Variants in NEURL4 observed in about 807,000 individuals in gnomAD.
The protein encoded by NEURL4 is neuralized E3 ubiquitin protein ligase 4.
NEURL4 carries 45 observed loss-of-function variants against 148.0 expected under a neutral mutation model. The observed-to-expected ratio is 0.30, with a 90% CI of 0.24 to 0.39. NEURL4 has a LOEUF of 0.39. Ranked by LOEUF, NEURL4 falls within the 10% of genes least tolerant of loss-of-function variation. The pLI is 1.00. For synonymous variants in NEURL4, 854 were observed against 869.0 expected (o/e 0.98, Z 0.30); for missense variants, 1,776 against 2,144.0 (o/e 0.83, Z 3.39).
chr17:7,318,979 C>G lies in NEURL4; in HGVS notation c.3684+71G>C. On this transcript the variant is annotated intron_variant, in intron 22 of 28. Transcript: ENST00000399464. This position sits in a 1 kb window ranked among gnomAD's most constrained non-coding sequence, Gnocchi z 4.3. The stretch of plus-strand genomic sequence containing the variant: ...TCCTACCTCCAAGGCTAGGGGCCCA[C>G]TTCTCCCTTCTGGCCAGCCCTTCTC... 6.6e-7 allele frequency: 1 copy of G among 1,506,234 alleles called. No individual in the cohort carries two copies. The highest frequency in any genetic ancestry group is 8.9e-7 in the Non-Finnish European group (1 of 1,120,174). The allele number at this position is 1,506,234 out of a possible 1,614,324, so 93.3% of individuals were successfully genotyped here. A position where few individuals can be genotyped will look rare whatever the true frequency, so the allele number is the denominator to read the frequency against.
chr17:7,326,935 C>T lies in NEURL4; in HGVS notation c.868G>A (p.Val290Met). 2.5e-6 allele frequency: 4 copies of T among 1,613,884 alleles called. No individual in the cohort carries two copies. The highest frequency in any genetic ancestry group is 3.4e-6 in the Non-Finnish European group (4 of 1,180,014). Residue 290 changes from valine to methionine, a missense_variant, in exon 4 of 29, where the codon GTG becomes ATG. By Grantham distance (21) the Val-to-Met change is conservative. Transcript: ENST00000399464. The surrounding 1 kb of genome is among the most constrained non-coding windows in gnomAD (Gnocchi z 6.0). ...LSAYNGGLLN[V>M]NLSSPPAGEG... ...CCTGCCGGTGGGGAGCTCAGGTTCA[C>T]ATTCAGGAGCCCTCCATTGTAGGCA...
chr17:7,318,205 C>G lies in NEURL4; in HGVS notation c.3953-33G>C. The G allele has an allele frequency of 1.2e-6, 2 of 1,612,640 alleles. No individual in the cohort carries two copies. The highest frequency in any genetic ancestry group is 1.1e-5 in the South Asian group (1 of 91,046). On this transcript the variant is annotated intron_variant, in intron 24 of 28. Transcript: ENST00000399464. The surrounding 1 kb of genome is among the most constrained non-coding windows in gnomAD (Gnocchi z 4.3). ...AGCAGAGGGGCACAGGTCACAGGAG[C>G]TGGGCTAGAAGGGTGAGGGTGGGGG...
intron 8 of NEURL4, 82 bp from the exon 9 acceptor site, chr17:7,325,062 C>T (rs1228532340): frequency 1.9e-6 from 3 of 1,570,400 alleles, no homozygotes; most frequent in South Asian, 2.3e-5. Context: ...TGCCTGCCAA[C>T]ACTCACTGCC....
chr17:7,325,149 C>T (rs1038809850), intron 8 of NEURL4, 60 bp downstream of exon 8: 15 of 518,568 alleles, frequency 2.9e-5, no homozygotes, highest in African/African-American at 1.4e-4. Flanking sequence ...TTCCTTGCCC[C>T]GCCCCCCCCC....
At position 7,323,906 on chromosome 17, in the gene NEURL4, G is replaced by A. The variant is rs763248972; in HGVS notation, c.2169C>T (p.His723=). 49 of 1,613,762 alleles carry A rather than the reference G, an allele frequency of 3.0e-5. No individual in the cohort carries two copies. The highest frequency in any genetic ancestry group is 2.2e-5 in the East Asian group (1 of 44,902). Reference sequence around the variant, plus strand: ...CGTTAGTGATGACTGCGTTACTGCCGTGCAGCTGATGGAAGCGCAGGTCAG... The same window carrying A: ...CGTTAGTGATGACTGCGTTACTGCCATGCAGCTGATGGAAGCGCAGGTCAG... The part of the protein sequence containing the change: ...GGSDLRFHQL[H]GSNAVITNGG... The change falls in exon 12 of 29, where the codon CAC becomes CAT. Residue 723 remains histidine, a synonymous_variant. Transcript: ENST00000399464.
Position 7,317,871 on chromosome 17 carries a change from C to T in NEURL4, c.4122G>A (p.Leu1374=). 1.2e-6 allele frequency: 2 copies of T among 1,614,186 alleles called. No individual in the cohort carries two copies. The highest frequency in any genetic ancestry group is 1.7e-6 in the Non-Finnish European group (2 of 1,180,032). Residue 1374 remains leucine, a synonymous_variant, in exon 26 of 29, where the codon CTG becomes CTA. Transcript: ENST00000399464. Reference sequence around the variant, plus strand: ...TGCGCCTGTGGGCCTCGTCTCCTCGCAGCTTCCGGCAAGACTCACAGTAGC... The same window carrying T: ...TGCGCCTGTGGGCCTCGTCTCCTCGTAGCTTCCGGCAAGACTCACAGTAGC... ...SLCYCESCRK[L]RGDEAHRRRG...
In NEURL4 at chr17:7,326,104, G is replaced by T; in HGVS notation, c.1293+151C>A. 1.4e-6 allele frequency: 1 copy of T among 709,606 alleles called. No homozygotes were observed. Among genetic ancestry groups the T allele is most frequent in the Non-Finnish European group, 2.4e-6 (1 of 417,474 alleles). The allele number at this position is 709,606 out of a possible 1,614,324, so 44.0% of individuals were successfully genotyped here. On this transcript the variant is annotated intron_variant, in intron 6 of 28. Transcript: ENST00000399464. This position sits in a 1 kb window ranked among gnomAD's most constrained non-coding sequence, Gnocchi z 6.0. ...CAAAATCTGAGTGCTGAACTCTTGG[G>T]CAACTCAGGCTTCTAGGAAGGAACC...
rs368940191 is a variant in NEURL4, at chr17:7,326,561, G to A, written c.1093-13C>T. 1.2e-6 allele frequency: 2 copies of A among 1,612,826 alleles called. No individual in the cohort carries two copies. Among genetic ancestry groups the A allele is most frequent in the African/African-American group, 2.7e-5 (2 of 74,866 alleles). On this transcript the variant is annotated splice_polypyrimidine_tract_variant and intron_variant, in intron 4 of 28. Transcript: ENST00000399464. This position sits in a 1 kb window ranked among gnomAD's most constrained non-coding sequence, Gnocchi z 6.0. The stretch of plus-strand genomic sequence containing the variant: ...TGTCGATACGGATCTGGCATTGAGG[G>A]ACAGAAGGGAGAAGCAGGGAATGTA...
intron 21 of NEURL4, among the ~76,000 whole-genome samples, 166 bp from the exon 22 acceptor site, chr17:7,319,374 CTTTTTT>C (rs374281551): frequency 1.8e-4 from 20 of 113,876 alleles, no homozygotes; most frequent in Admixed American, 7.4e-4. Flanking sequence ...TTCTTTCCCT[CTTTTTT>C]TTTTTTTTTT....
chr17:7,316,697 G>A (rs1479388817), intron 28 of NEURL4, among the ~76,000 whole-genome samples: 1 of 152,200 alleles, frequency 6.6e-6, no homozygotes, highest in Non-Finnish European at 1.5e-5. Context: ...GCCGAGGTGG[G>A]CGGATCACGA....
chr17:7,323,606 C>A, intron 13 of NEURL4, 41 bp downstream of exon 13: 1 of 1,613,962 alleles, frequency 6.2e-7, no homozygotes, highest in South Asian at 1.1e-5. Flanking sequence ...CCCCAAGGCA[C>A]AGACATCCAA....
Position 7,322,931 on chromosome 17 carries a change from G to A in NEURL4, c.2593+17C>T. The A allele has an allele frequency of 1.2e-6, 2 of 1,611,478 alleles. No homozygotes were observed. Among genetic ancestry groups the A allele is most frequent in the Non-Finnish European group, 1.7e-6 (2 of 1,177,868 alleles). On this transcript the variant is annotated intron_variant, in intron 15 of 28. Transcript: ENST00000399464. This position sits in a 1 kb window ranked among gnomAD's most constrained non-coding sequence, Gnocchi z 5.5. Reference sequence around the variant, plus strand: ...TGGTCTGGGCTGAGGGTGGCAGGCTGAAAGCCACATAGTCACCTTTACCCG... The same window carrying A: ...TGGTCTGGGCTGAGGGTGGCAGGCTAAAAGCCACATAGTCACCTTTACCCG...
Position 7,327,091 on chromosome 17 carries a change from C to T in NEURL4, c.793+74G>A. The T allele has an allele frequency of 3.1e-6, 5 of 1,600,304 alleles. No homozygotes were observed. In the South Asian group the frequency reaches 4.4e-5, roughly 14 times the overall value. On this transcript the variant is annotated intron_variant, in intron 3 of 28. Transcript: ENST00000399464. The surrounding 1 kb of genome is among the most constrained non-coding windows in gnomAD (Gnocchi z 6.6). ...CCAGACCTGGTGCCTCTCTCCCTAC[C>T]CCTTCTCCTGAGGGCCCTCCCTTGT...
intron 21 of NEURL4, 38 bp downstream of exon 21, chr17:7,320,721 G>A (rs748973098): frequency 6.3e-7 from 1 of 1,590,784 alleles, no homozygotes; most frequent in Non-Finnish European, 8.6e-7. Flanking sequence ...GGGTCACTGT[G>A]GAGCGAGAGA....
intron 28 of NEURL4, 78 bp downstream of exon 28, chr17:7,317,127 T>G (rs549200449): frequency 9.4e-7 from 1 of 1,059,154 alleles, no homozygotes; most frequent in Admixed American, 2.8e-5. Context: ...GGGCGAATCA[T>G]GAAGACCCCA....
rs1466339373 is a variant in NEURL4, at chr17:7,316,247, G to A, written c.4565C>T (p.Pro1522Leu). The change falls in exon 29 of 29, where the codon CCG becomes CTG. Residue 1522 changes from proline (P) to leucine (L), a missense_variant. Pro to Leu is a moderately conservative substitution (Grantham distance 98). Coordinates refer to ENST00000399464, the MANE Select transcript of NEURL4 (RefSeq NM_032442.3). ...QVCVRPGSYT[P>L]GPPSAALGEP... Reference sequence around the variant, plus strand: ...TCCAAGGGCAGCGGAAGGGGGTCCCGGGGTGTAGGAGCCAGGGCGCACACA... The same window carrying A: ...TCCAAGGGCAGCGGAAGGGGGTCCCAGGGTGTAGGAGCCAGGGCGCACACA... 11 of 1,613,656 alleles carry A rather than the reference G, an allele frequency of 6.8e-6. No individual in the cohort carries two copies. The highest frequency in any genetic ancestry group is 3.4e-4 in the Middle Eastern group (2 of 5,904).
At position 7,318,564 on chromosome 17, in the gene NEURL4, C is replaced by T; in HGVS notation, c.3795G>A (p.Gln1265=). The T allele has an allele frequency of 1.9e-6, 3 of 1,613,842 alleles. No individual in the cohort carries two copies. The highest frequency in any genetic ancestry group is 2.2e-5 in the East Asian group (1 of 44,880). Residue 1265 remains glutamine (Q), a synonymous_variant, in exon 23 of 29, where the codon CAG becomes CAA. Coordinates refer to ENST00000399464, the MANE Select transcript of NEURL4 (RefSeq NM_032442.3). This position sits in a 1 kb window ranked among gnomAD's most constrained non-coding sequence, Gnocchi z 4.3. ...GLHLHVNGVD[Q]GVAVPDVPQP... The stretch of plus-strand genomic sequence containing the variant: ...GGGGCACATCTGGCACAGCTACCCC[C>T]TGGTCCACCCCATTAACATGAAGAT...
Position 7,317,848 on chromosome 17 carries a change from C to T in NEURL4, c.4145G>A (p.Arg1382His), listed in dbSNP as rs199679768. The T allele has an allele frequency of 5.4e-4, 870 of 1,614,002 alleles. 1 individual carries two copies. Among genetic ancestry groups the T allele is most frequent in the Non-Finnish European group, 6.5e-4 (766 of 1,180,044 alleles). Residue 1382 changes from arginine to histidine, a missense_variant, in exon 26 of 29, where the codon CGC becomes CAC. By Grantham distance (29) the Arg-to-His change is conservative. Transcript: ENST00000399464. ...RKLRGDEAHR[R>H]RGEPPREYAL... ...ATATTCCCGGGGAGGCTCCCCTCTG[C>T]GCCTGTGGGCCTCGTCTCCTCGCAG...
intron 28 of NEURL4, 104 bp from the exon 29 acceptor site, chr17:7,316,431 T>G: frequency 1.1e-6 from 1 of 884,934 alleles, no homozygotes; most frequent in South Asian, 1.6e-5. Context: ...TAGGAAATAC[T>G]CCCACCTTAT....
Sources: gnomAD v4.1 joint callset for allele counts (sites outside exome capture counted in the v4.1 genomes callset) on GRCh38, gnomAD v4.1.1 for gene constraint, Gnocchi (gnomAD v3.1) non-coding constraint, MANE v1.5 for transcripts, NCBI Gene and HGNC (gene_info 2026-07-23, HGNC 2026-07-21) for gene names.